The following NRG1 variants were observed in gnomAD, a reference collection of about 807,000 sequenced individuals.
NRG1 encodes the protein pro-neuregulin-1, membrane-bound isoform.
Under a neutral mutation model 63.8 loss-of-function variants are expected in NRG1, and 18 were observed. The observed-to-expected ratio is 0.28, with a 90% confidence interval of 0.19 to 0.42. The LOEUF is 0.42. NRG1 is among the 10% of genes least tolerant of loss of function. NRG1 has a pLI of 1.00. For synonymous variants in NRG1, 302 were observed against 301.3 expected, an observed-to-expected ratio of 1.00 and a Z score of -0.02; for missense variants, 762 against 814.7, an observed-to-expected ratio of 0.94 and a Z score of 0.79.
In NRG1 at chr8:31,792,739, G is replaced by C. The variant is rs562194766; in HGVS notation, c.37+153308G>C. Among the ~76,000 whole-genome samples the C allele has an allele frequency of 7.9e-5, 12 of 152,304 alleles. 1 individual carries two copies. Among genetic ancestry groups the C allele is most frequent in the African/African-American group, 2.6e-4 (11 of 41,572 alleles). On this transcript the variant is annotated intron_variant, in intron 1 of 10. Transcript: ENST00000519301. Reference sequence around the variant, plus strand: ...ACTGTCCTGTTTCACCTTTGCCTCAGTCTTTGCAGTAATCTCCCTCACTGA... The same window carrying C: ...ACTGTCCTGTTTCACCTTTGCCTCACTCTTTGCAGTAATCTCCCTCACTGA...
intron 1 of NRG1, among the ~76,000 whole-genome samples, chr8:31,687,508 G>C (rs1563292934): frequency 6.6e-6 from 1 of 152,190 alleles, no homozygotes; most frequent in Non-Finnish European, 1.5e-5. Context: ...TCTGCAGACT[G>C]ATCAGCTGAA....
At chr8:32,414,323 T>C (rs1815552167) in intron 1 of NRG1, among the ~76,000 whole-genome samples, 1 of 152,228 alleles carries the variant, frequency 6.6e-6, no homozygotes, top group Admixed American at 6.5e-5. Flanking sequence ...CTGACTCAAC[T>C]GGTTTCTACC....
intron 1 of NRG1, among the ~76,000 whole-genome samples, chr8:31,864,279 A>G (rs1441738130): frequency 5.9e-5 from 9 of 152,222 alleles, no homozygotes. Context: ...AACAAAAGAC[A>G]TGGTCCTTCC....
intron 1 of NRG1, among the ~76,000 whole-genome samples, chr8:32,347,685 G>A (rs17706142): frequency 0.022 from 3,382 of 152,206 alleles, 43 homozygotes; most frequent in Middle Eastern, 0.041. Flanking sequence ...TTGTGTAGCC[G>A]TGTGTCTCCA....
intron 1 of NRG1, among the ~76,000 whole-genome samples, chr8:32,474,832 T>G (rs928932144): frequency 2.0e-5 from 3 of 152,108 alleles, no homozygotes; most frequent in Admixed American, 2.0e-4. Context: ...GTTGCAATTG[T>G]ATGCTATGGC....
At chr8:32,693,314 G>A (rs1262477833) in intron 5 of NRG1, among the ~76,000 whole-genome samples, 1 of 151,582 alleles carries the variant, frequency 6.6e-6, no homozygotes, top group African/African-American at 2.4e-5. Context: ...CGCCTTCTGG[G>A]TTCACGCCAT....
intron 1 of NRG1, among the ~76,000 whole-genome samples, chr8:32,444,337 A>C (rs1001893696): frequency 2.6e-5 from 4 of 151,686 alleles, no homozygotes; most frequent in Non-Finnish European, 4.4e-5. Context: ...TTTTGTAGAG[A>C]CTTTGTTGCC....
At position 31,688,946 on chromosome 8, in the gene NRG1, T is replaced by A. The variant is rs568344702; in HGVS notation, c.37+49515T>A. 2.0e-5 allele frequency among the ~76,000 whole-genome samples: 3 copies of A among 152,222 alleles called. No individual in the cohort carries two copies. The East Asian group carries it at 5.8e-4, about 29-fold the overall frequency. ...GGAGGGCTGTCTTCCCTTCTGGAGGTTCAGGGGACAATCTGTTTTCCTGCC... is the reference window on the plus strand; with the variant it reads ...GGAGGGCTGTCTTCCCTTCTGGAGGATCAGGGGACAATCTGTTTTCCTGCC... On this transcript the variant is annotated intron_variant, in intron 1 of 10. Coordinates refer to the NRG1 transcript ENST00000519301.
At chr8:31,773,447 C>T (rs1818823111) in intron 1 of NRG1, among the ~76,000 whole-genome samples, 1 of 152,140 alleles carries the variant, frequency 6.6e-6, no homozygotes, top group Non-Finnish European at 1.5e-5. Flanking sequence ...AGAAAACTGT[C>T]AAAATATGTC....
intron 1 of NRG1, among the ~76,000 whole-genome samples, chr8:32,193,385 G>A (rs988892289): frequency 6.6e-6 from 1 of 151,730 alleles, no homozygotes; most frequent in Admixed American, 6.6e-5. Context: ...TAGGAAAATG[G>A]TTATTCCATC....
intron 1 of NRG1, among the ~76,000 whole-genome samples, chr8:31,682,104 T>A (rs1808399474): frequency 6.6e-6 from 1 of 152,182 alleles, no homozygotes; most frequent in Non-Finnish European, 1.5e-5. Context: ...GTGCTCTGCC[T>A]ATTCATCCCT....
chr8:31,668,060 A>G (rs975166735), intron 1 of NRG1, among the ~76,000 whole-genome samples: 2 of 152,230 alleles, frequency 1.3e-5, no homozygotes, highest in South Asian at 2.1e-4. Context: ...TTTCAAGGTC[A>G]AAAGATGGAG....
chr8:32,609,343 G>A (rs1209537053), intron 3 of NRG1, among the ~76,000 whole-genome samples: 1 of 152,054 alleles, frequency 6.6e-6, no homozygotes, highest in East Asian at 1.9e-4. Flanking sequence ...GCTCTCCGGG[G>A]CTTAGATGCA....
At chr8:32,678,852 A>T (rs1397127237) in intron 5 of NRG1, among the ~76,000 whole-genome samples, 2 of 152,134 alleles carry the variant, frequency 1.3e-5, no homozygotes, top group Admixed American at 6.6e-5. Context: ...TCCATGTATT[A>T]TGAAAGATTT....
chr8:32,182,533 C>T (rs1341694836), intron 1 of NRG1, among the ~76,000 whole-genome samples: 1 of 152,166 alleles, frequency 6.6e-6, no homozygotes, highest in Non-Finnish European at 1.5e-5. Flanking sequence ...AGGCATAAGC[C>T]ACTGCACCTG....
At chr8:31,989,029 G>A (rs373547) in intron 1 of NRG1, among the ~76,000 whole-genome samples, 3 of 151,606 alleles carry the variant, frequency 2.0e-5, no homozygotes, top group East Asian at 2.0e-4. Context: ...TGGGCAGGTC[G>A]CCTGATGTCG....
At chr8:32,141,538 G>C (rs955378017) in intron 1 of NRG1, among the ~76,000 whole-genome samples, 1 of 146,302 alleles carries the variant, frequency 6.8e-6, no homozygotes, top group African/African-American at 2.5e-5. Flanking sequence ...GTGTGTGTGT[G>C]TGTGTGTATA....
At chr8:32,717,962 A>G (rs1234477680) in intron 5 of NRG1, among the ~76,000 whole-genome samples, 4 of 152,180 alleles carry the variant, frequency 2.6e-5, no homozygotes, top group Non-Finnish European at 5.9e-5. Flanking sequence ...CATTTCCTGG[A>G]GTGAAGATGC....
At chr8:32,678,761 T>G (rs932582476) in intron 5 of NRG1, among the ~76,000 whole-genome samples, 14 of 152,226 alleles carry the variant, frequency 9.2e-5, no homozygotes, top group Non-Finnish European at 2.1e-4. Flanking sequence ...TTTCATTACT[T>G]TATGTGAAAG....
Sources: allele counts gnomAD v4.1 joint callset (sites outside exome capture counted in the v4.1 genomes callset), GRCh38; gene constraint gnomAD v4.1.1; transcripts MANE v1.5; gene names NCBI Gene and HGNC (gene_info 2026-07-23, HGNC 2026-07-21).